CYP3A5: variants seen among roughly 807,000 people sequenced by gnomAD.
CYP3A5 encodes the protein cytochrome P450 family 3 subfamily A member 5, also known as cytochrome P450 3A5.
CYP3A5 carries 51 observed loss-of-function variants against 55.9 expected under a neutral mutation model. That is an observed-to-expected ratio of 0.91 (90% CI 0.73 to 1.15). CYP3A5 has a LOEUF of 1.15. CYP3A5 is among the 50% of genes most tolerant of loss of function. The probability of loss-of-function intolerance (pLI) is 0.00; values close to 1 mark genes in which losing one functional copy is unlikely to be tolerated. For missense variants in CYP3A5, 533 were observed against 596.6 expected, an observed-to-expected ratio of 0.89 and a Z score of 1.11; for synonymous variants, 196 against 213.9, an observed-to-expected ratio of 0.92 and a Z score of 0.73.
At chr7:99,679,212 C>G (rs1297623529) in intron 1 of CYP3A5, among the ~76,000 whole-genome samples, 2 of 151,794 alleles carry the variant, frequency 1.3e-5, no homozygotes, top group East Asian at 1.9e-4. Flanking sequence ...GGAGGAGTGA[C>G]TCATAGGAGG....
At chr7:99,651,023 A>G (rs755972173) in intron 11 of CYP3A5, among the ~76,000 whole-genome samples, 11 of 152,318 alleles carry the variant, frequency 7.2e-5, no homozygotes, top group Non-Finnish European at 1.0e-4. Flanking sequence ...CATTGTTGTC[A>G]TATGTTTTTA....
chr7:99,676,636 C>G, intron 1 of CYP3A5: 1 of 988,290 alleles, frequency 1.0e-6, no homozygotes, highest in Non-Finnish European at 1.4e-6. Flanking sequence ...TTTTGCATCA[C>G]TGTATGCACT....
intron 4 of CYP3A5, 82 bp downstream of exon 4, chr7:99,672,495 CCTT>C: frequency 1.7e-6 from 2 of 1,202,628 alleles, no homozygotes; most frequent in Non-Finnish European, 1.2e-6. Context: ...TTTTAGGTAA[CCTT>C]CTGTGAATAT....
At chr7:99,674,190 C>T in intron 3 of CYP3A5, 1 of 196,026 alleles carries the variant, frequency 5.1e-6, no homozygotes, top group Non-Finnish European at 1.0e-5. Context: ...ACCTGTCCAG[C>T]AACTGCCTGT....
rs1236442913 is a variant in CYP3A5, at chr7:99,662,611, G to A, written c.865+205C>T. ...CCTCCAAGCATTCTAGGTTTGCTTA[G>A]GGTTGCCCTTTCAGCCTGGAACATG... On this transcript the variant is annotated intron_variant, in intron 9 of 12. Coordinates refer to ENST00000222982, the MANE Select transcript of CYP3A5 (RefSeq NM_000777.5). This position sits in a 1 kb window ranked among gnomAD's most constrained non-coding sequence, Gnocchi z 4.3. Among the ~76,000 whole-genome samples the A allele has an allele frequency of 1.3e-5, 2 of 152,154 alleles. No individual in the cohort carries two copies. The highest frequency in any genetic ancestry group is 2.4e-5 in the African/African-American group (1 of 41,430).
chr7:99,676,958 T>C (rs758431649), intron 1 of CYP3A5, among the ~76,000 whole-genome samples: 17 of 152,180 alleles, frequency 1.1e-4, no homozygotes, highest in Non-Finnish European at 2.2e-4. Context: ...CCTTGAATGA[T>C]TGTGTGCAGA....
chr7:99,663,128 T>C (rs1057299493), intron 8 of CYP3A5: 1 of 1,223,082 alleles, frequency 8.2e-7, no homozygotes, highest in Non-Finnish European at 1.0e-6. Context: ...GCCCTCCCTG[T>C]TTCTCATCTT....
At chr7:99,669,501 A>G (rs1420318521) in intron 4 of CYP3A5, among the ~76,000 whole-genome samples, 1 of 152,224 alleles carries the variant, frequency 6.6e-6, no homozygotes, top group Non-Finnish European at 1.5e-5. Context: ...GATGTGGTAG[A>G]TATTATTTGC....
At chr7:99,671,464 A>G (rs1272068101) in intron 4 of CYP3A5, 5 of 226,410 alleles carry the variant, frequency 2.2e-5, no homozygotes, top group African/African-American at 1.2e-4. Flanking sequence ...AGATTCACAA[A>G]ATATACTCAG....
intron 10 of CYP3A5, chr7:99,660,296 T>C (rs1584431672): frequency 9.0e-7 from 1 of 1,116,716 alleles, no homozygotes; most frequent in Non-Finnish European, 1.1e-6. Context: ...GCCAGCAATA[T>C]TGTACAAAGA....
At chr7:99,675,901 G>T (rs1403257054) in intron 2 of CYP3A5, among the ~76,000 whole-genome samples, 4 of 150,678 alleles carry the variant, frequency 2.7e-5, no homozygotes, top group Non-Finnish European at 4.4e-5. Flanking sequence ...TCACTGTGTT[G>T]CCCAGGCTGT....
intron 1 of CYP3A5, among the ~76,000 whole-genome samples, chr7:99,679,281 A>G (rs1479968863): frequency 2.0e-5 from 3 of 152,142 alleles, no homozygotes; most frequent in Non-Finnish European, 4.4e-5. Flanking sequence ...ACAGCTTCCC[A>G]TGAAGTCTTG....
rs1584441592 is a variant in CYP3A5 at position 99,663,835 on chromosome 7, A to G, written c.798+133T>C. ...CCAATCTCCTTCTTTATTTCTACCA[A>G]ATGGCTTCTCTTGTTCTAAACATAA... On this transcript the variant is annotated intron_variant, in intron 8 of 12. Coordinates refer to ENST00000222982, the MANE Select transcript of CYP3A5 (RefSeq NM_000777.5). 7 of 1,371,414 alleles carry G rather than the reference A, an allele frequency of 5.1e-6. No homozygotes were observed. In the East Asian group the frequency reaches 1.9e-4, roughly 38 times the overall value. The allele number at this position is 1,371,414 out of a possible 1,614,324, so 85.0% of individuals were successfully genotyped here.
chr7:99,679,897 C>A lies in CYP3A5; in HGVS notation c.-1G>T, dbSNP rs143137902. ...CCGCCAAATTTGGGATGAGGTCCAT[C>A]GCCACTTTCCTTCTTCAACTGTGTT... is the stretch of plus-strand genomic sequence containing the variant. On this transcript the variant is annotated 5_prime_UTR_variant, in exon 1 of 13. Transcript: ENST00000222982. 4 of 1,613,730 alleles carry A rather than the reference C, an allele frequency of 2.5e-6. No homozygotes were observed. The highest frequency in any genetic ancestry group is 1.7e-5 in the Admixed American group (1 of 59,994).
intron 5 of CYP3A5, 33 bp from the exon 6 acceptor site, chr7:99,666,722 A>C: frequency 3.7e-6 from 6 of 1,613,986 alleles, no homozygotes; most frequent in Non-Finnish European, 5.1e-6. Flanking sequence ...CCTGTAGTTA[A>C]ATGTGCAGAC....
At chr7:99,679,779 A>G (rs766541431) in intron 1 of CYP3A5, 47 bp downstream of exon 1, 5 of 1,581,494 alleles carry the variant, frequency 3.2e-6, no homozygotes, top group Non-Finnish European at 4.3e-6. Context: ...CCCGATTAGC[A>G]CCCCAAGTCC....
intron 5 of CYP3A5, 22 bp downstream of exon 5, chr7:99,666,930 A>G: frequency 6.2e-7 from 1 of 1,610,468 alleles, no homozygotes; most frequent in Non-Finnish European, 8.5e-7. Flanking sequence ...ATTTCTAATT[A>G]AGACTCATCT....
rs1186987870 is a variant in CYP3A5 at position 99,672,892 on chromosome 7, T to C, written c.219-213A>G. 3 of 1,375,656 alleles carry C rather than the reference T, an allele frequency of 2.2e-6. No individual in the cohort carries two copies. In the African/African-American group the frequency reaches 4.4e-5, roughly 20 times the overall value. 85.2% of individuals were successfully genotyped at this position (1,375,656 alleles called of 1,614,324 possible). On this transcript the variant is annotated intron_variant, in intron 3 of 12. Coordinates refer to ENST00000222982, the MANE Select transcript of CYP3A5 (RefSeq NM_000777.5). ...CAAGGCTTCATATGATGAAGGGTAATGTGGTCCAAACAGGGAAGAGATATT... is the reference window on the plus strand; with the variant it reads ...CAAGGCTTCATATGATGAAGGGTAACGTGGTCCAAACAGGGAAGAGATATT...
In CYP3A5 at chr7:99,674,513, G is replaced by T. The variant is rs758231529; in HGVS notation, c.218+20C>A. 2 of 1,608,818 alleles carry T rather than the reference G, an allele frequency of 1.2e-6. No homozygotes were observed. Among genetic ancestry groups the T allele is most frequent in the Admixed American group, 1.7e-5 (1 of 59,978 alleles). On this transcript the variant is annotated intron_variant, in intron 3 of 12. Coordinates refer to ENST00000222982, the MANE Select transcript of CYP3A5 (RefSeq NM_000777.5). ...CTCACAGTAGCAGGTCTATCCAATG[G>T]AGGTTTTCAGAATACTCACCCCCAC...
Sources: allele counts gnomAD v4.1 joint callset (sites outside exome capture counted in the v4.1 genomes callset), GRCh38; gene constraint gnomAD v4.1.1; non-coding constraint Gnocchi (gnomAD v3.1); transcripts MANE v1.5; gene names NCBI Gene and HGNC (gene_info 2026-07-23, HGNC 2026-07-21).